Variants in CACNG3 observed in about 807,000 individuals in gnomAD.
CACNG3 encodes the protein voltage-dependent calcium channel gamma-3 subunit.
Under a neutral mutation model 28.5 loss-of-function variants are expected in CACNG3, and 3 were observed. The ratio of observed to expected loss-of-function variants is 0.11; its 90% CI spans 0.05 to 0.27. The LOEUF is 0.27. Among genes scored for constraint, CACNG3 ranks in the 10% least tolerant of loss-of-function variants. The pLI is 1.00. For synonymous variants in CACNG3, 174 were observed against 162.2 expected (o/e 1.07, Z -0.55); for missense variants, 236 against 414.4 (o/e 0.57, Z 3.74).
At chr16:24,268,650 G>A (rs1898645559) in intron 1 of CACNG3, among the ~76,000 whole-genome samples, 1 of 152,210 alleles carries the variant, frequency 6.6e-6, no homozygotes, top group African/African-American at 2.4e-5. Context: ...GAGATCAAAT[G>A]TAAATTTTTC....
chr16:24,340,038 G>C (rs181276023), intron 1 of CACNG3, among the ~76,000 whole-genome samples: 1 of 152,162 alleles, frequency 6.6e-6, no homozygotes, highest in East Asian at 2.0e-4. Flanking sequence ...TGCAGGCCTA[G>C]GTGGGAAGAT....
rs543555432 is a variant in CACNG3 at position 24,281,731 on chromosome 16, A to G, written c.211+24766A>G. On this transcript the variant is annotated intron_variant, in intron 1 of 3. Transcript: ENST00000005284. The stretch of plus-strand genomic sequence containing the variant: ...CCAAAGATAATTATGATGATAAATG[A>G]CAACCATTATTGACCAGTTGCTACA... Among the ~76,000 whole-genome samples, 40 of 152,354 alleles carry G rather than the reference A, an allele frequency of 2.6e-4. 1 individual carries two copies. In the South Asian group the frequency reaches 7.9e-3, roughly 30 times the overall value.
intron 1 of CACNG3, among the ~76,000 whole-genome samples, chr16:24,314,099 A>G (rs1030441447): frequency 2.0e-5 from 3 of 152,194 alleles, no homozygotes; most frequent in African/African-American, 7.2e-5. Context: ...TGAAAAAATG[A>G]AACTGGCCAA....
chr16:24,346,663 G>A (rs1421778649), intron 1 of CACNG3, 71 bp from the exon 2 acceptor site: 18 of 963,966 alleles, frequency 1.9e-5, no homozygotes, highest in Middle Eastern at 4.5e-4. Flanking sequence ...GCACATAGCG[G>A]TGAGGACCCA....
At chr16:24,279,226 G>A (rs1002060641) in intron 1 of CACNG3, among the ~76,000 whole-genome samples, 10 of 152,176 alleles carry the variant, frequency 6.6e-5, no homozygotes, top group Non-Finnish European at 1.0e-4. Context: ...ACGTAATCAG[G>A]TTTTCATTTT....
intron 1 of CACNG3, among the ~76,000 whole-genome samples, chr16:24,271,191 C>T (rs1216478949): frequency 2.0e-5 from 3 of 152,208 alleles, no homozygotes; most frequent in African/African-American, 7.2e-5. Flanking sequence ...AGGAAGAGAA[C>T]TCTGTCCCTT....
At chr16:24,334,023 TA>T (rs1899667585) in intron 1 of CACNG3, among the ~76,000 whole-genome samples, 1 of 152,192 alleles carries the variant, frequency 6.6e-6, no homozygotes, top group East Asian at 1.9e-4. Context: ...TATTCTCAGA[TA>T]ATAAAGATCT....
intron 1 of CACNG3, among the ~76,000 whole-genome samples, chr16:24,343,390 T>C (rs929208632): frequency 1.3e-5 from 2 of 152,136 alleles, no homozygotes; most frequent in African/African-American, 2.4e-5. Context: ...TCCCATTCCA[T>C]CTTCACCTGA....
intron 1 of CACNG3, among the ~76,000 whole-genome samples, chr16:24,311,046 C>T (rs7187560): frequency 0.42 from 64,040 of 152,040 alleles, 13,898 homozygotes; most frequent in South Asian, 0.58. Context: ...AGCCCAGGGG[C>T]ACTTGGGTTG....
At chr16:24,312,959 A>AAG (rs770273555) in intron 1 of CACNG3, among the ~76,000 whole-genome samples, 3 of 139,740 alleles carry the variant, frequency 2.1e-5, no homozygotes, top group East Asian at 4.3e-4. Flanking sequence ...AAGAAAGAGA[A>AAG]AGAAAGAAAA....
chr16:24,296,588 C>T (rs536509455), intron 1 of CACNG3, among the ~76,000 whole-genome samples: 5 of 152,176 alleles, frequency 3.3e-5, no homozygotes, highest in African/African-American at 1.2e-4. Context: ...ACTAGAGACT[C>T]CCCCGTAATA....
intron 1 of CACNG3, among the ~76,000 whole-genome samples, chr16:24,315,635 C>G (rs1167743491): frequency 7.0e-6 from 1 of 142,828 alleles, no homozygotes. Context: ...TCTCTCTCTT[C>G]CTTTCTCTCT....
chr16:24,362,216 C>T lies in CACNG3; in HGVS notation c.*353C>T. The T allele has an allele frequency of 5.2e-6, 1 of 192,898 alleles. No individual in the cohort carries two copies. Among genetic ancestry groups the T allele is most frequent in the East Asian group, 1.3e-4 (1 of 7,944 alleles). 11.9% of individuals were successfully genotyped at this position (192,898 alleles called of 1,614,324 possible). On this transcript the variant is annotated 3_prime_UTR_variant, in exon 4 of 4. Coordinates refer to ENST00000005284, the MANE Select transcript of CACNG3 (RefSeq NM_006539.4). ...CCAGGGGGGATTTCCGAATCTCCATCAGGCGCGCTCATAGTTGTCCCCATT... is the reference window on the plus strand; with the variant it reads ...CCAGGGGGGATTTCCGAATCTCCATTAGGCGCGCTCATAGTTGTCCCCATT...
At chr16:24,301,300 G>A (rs146176927) in intron 1 of CACNG3, among the ~76,000 whole-genome samples, 64 of 151,806 alleles carry the variant, frequency 4.2e-4, no homozygotes, top group African/African-American at 1.5e-3. Flanking sequence ...AGAAAATATG[G>A]GTAACATTGG....
chr16:24,355,553 A>C (rs1900019476), intron 3 of CACNG3, among the ~76,000 whole-genome samples: 1 of 152,230 alleles, frequency 6.6e-6, no homozygotes, highest in African/African-American at 2.4e-5. Context: ...ACTCCACTCC[A>C]GCCTGGGTGA....
At chr16:24,333,419 G>A (rs1443027098) in intron 1 of CACNG3, 1 of 152,390 alleles carries the variant, frequency 6.6e-6, no homozygotes, top group African/African-American at 2.4e-5. Flanking sequence ...TTTTCAAAGT[G>A]TTACAGGTCT....
At chr16:24,328,631 C>T (rs930876855) in intron 1 of CACNG3, among the ~76,000 whole-genome samples, 3 of 151,896 alleles carry the variant, frequency 2.0e-5, no homozygotes, top group African/African-American at 4.8e-5. Flanking sequence ...CGCATACTCA[C>T]GGATCATCGT....
intron 1 of CACNG3, among the ~76,000 whole-genome samples, chr16:24,308,595 C>G (rs562231594): frequency 4.2e-4 from 64 of 152,050 alleles, no homozygotes; most frequent in African/African-American, 1.5e-3. Context: ...TGGCTCACAC[C>G]TGTAATCCCA....
chr16:24,276,321 C>T (rs1898753237), intron 1 of CACNG3, among the ~76,000 whole-genome samples: 1 of 152,068 alleles, frequency 6.6e-6, no homozygotes, highest in South Asian at 2.1e-4. Context: ...ATAACTATTT[C>T]ACTATTTTAG....
Sources: allele counts gnomAD v4.1 joint callset (sites outside exome capture counted in the v4.1 genomes callset), GRCh38; gene constraint gnomAD v4.1.1; transcripts MANE v1.5; gene names NCBI Gene and HGNC (gene_info 2026-07-23, HGNC 2026-07-21).